Variants in PPP6R1 observed in about 807,000 individuals in gnomAD.
The protein encoded by PPP6R1 is protein phosphatase 6 regulatory subunit 1.
Under a neutral mutation model 104.6 loss-of-function variants are expected in PPP6R1, and 39 were observed. The observed-to-expected ratio is 0.37, with a 90% CI of 0.29 to 0.49. The LOEUF (loss-of-function observed/expected upper bound fraction) is 0.49. PPP6R1 is among the 20% of genes least tolerant of loss of function. The pLI is 0.98. For missense variants in PPP6R1, 1,181 were observed against 1,155.8 expected, an observed-to-expected ratio of 1.02 and a Z score of -0.32; for synonymous variants, 549 against 479.0, an observed-to-expected ratio of 1.15 and a Z score of -1.91.
chr19:55,249,829 C>T (rs530343017), intron 1 of PPP6R1, among the ~76,000 whole-genome samples: 11 of 151,516 alleles, frequency 7.3e-5, no homozygotes, highest in Non-Finnish European at 1.5e-4. Flanking sequence ...GGCAGAGCAA[C>T]ACTCTGTCTC....
intron 15 of PPP6R1, among the ~76,000 whole-genome samples, 166 bp from the exon 16 acceptor site, chr19:55,237,136 C>T (rs371843699): frequency 1.3e-5 from 2 of 152,206 alleles, no homozygotes; most frequent in East Asian, 1.9e-4. Context: ...TAAGGGGCAA[C>T]GCATACATGA....
Position 55,239,430 on chromosome 19 carries a change from ACTC to A in PPP6R1, c.1723_1725del (p.Glu575del). 4 of 1,613,722 alleles carry A rather than the reference ACTC, an allele frequency of 2.5e-6. No homozygotes were observed. The highest frequency in any genetic ancestry group is 2.5e-6 in the Non-Finnish European group (3 of 1,179,792). ...TTCACACTCTCCTCCTGCTCCCCAA[ACTC>A]CTCATCATTGAAGCCGAAGTGGTCA... is the stretch of plus-strand genomic sequence containing the variant. On this transcript the variant is annotated inframe_deletion, in exon 15 of 24. Coordinates refer to ENST00000412770, the MANE Select transcript of PPP6R1 (RefSeq NM_014931.4).
chr19:55,245,461 C>G lies in PPP6R1; in HGVS notation c.414+31G>C. 1 of 1,610,690 alleles carries G rather than the reference C, an allele frequency of 6.2e-7. No homozygotes were observed. On this transcript the variant is annotated intron_variant, in intron 3 of 23. Transcript: ENST00000412770. This position sits in a 1 kb window ranked among gnomAD's most constrained non-coding sequence, Gnocchi z 6.4. ...CTGGCCCAGCCACCACCCCTCAACC[C>G]ACGGTGGCGCCAGGGTGGGGGCCAG...
rs1214460462 is a variant in PPP6R1 at position 55,241,695 on chromosome 19, C to G, written c.846-56G>C. On this transcript the variant is annotated intron_variant, in intron 7 of 23. Coordinates refer to ENST00000412770, the MANE Select transcript of PPP6R1 (RefSeq NM_014931.4). This position sits in a 1 kb window ranked among gnomAD's most constrained non-coding sequence, Gnocchi z 5.4. The stretch of plus-strand genomic sequence containing the variant: ...AGCCTAGATGGCCTGTGCGCCCACA[C>G]AGGAGTAGGCACAAGGACCACGTCT... The G allele has an allele frequency of 6.7e-7, 1 of 1,483,368 alleles. No homozygotes were observed. Among genetic ancestry groups the G allele is most frequent in the East Asian group, 2.5e-5 (1 of 40,448 alleles). 91.9% of individuals were successfully genotyped at this position (1,483,368 alleles called of 1,614,324 possible).
At chr19:55,250,271 G>C (rs1279956321) in intron 1 of PPP6R1, among the ~76,000 whole-genome samples, 6 of 152,334 alleles carry the variant, frequency 3.9e-5, no homozygotes, top group Non-Finnish European at 8.8e-5. Flanking sequence ...TTTTACAGGA[G>C]AGGAAACTGA....
intron 2 of PPP6R1, among the ~76,000 whole-genome samples, 171 bp downstream of exon 2, chr19:55,246,706 G>A (rs1161523185): frequency 6.6e-6 from 1 of 152,178 alleles, no homozygotes; most frequent in Admixed American, 6.5e-5. Context: ...GTCTGCACCC[G>A]GTGAGCTGTG....
chr19:55,242,243 G>T lies in PPP6R1; in HGVS notation c.768C>A (p.Phe256Leu). Residue 256 changes from phenylalanine to leucine, a missense_variant, in exon 7 of 24, where the codon TTC becomes TTA. Physicochemically the swap from Phe to Leu is conservative, Grantham distance 22. This residue lies in a region of PPP6R1 where 1,042 missense variants were observed against 955.6 expected (regional missense o/e 1.09). Coordinates refer to ENST00000412770, the MANE Select transcript of PPP6R1 (RefSeq NM_014931.4). ...TGACAGACTGGCTCTGCTCCCCCTC[G>T]AACATGTTGCTTAAGAGCTGCTCAA... ...ETIEQLLSNM[F>L]EGEQSQSVIV... 1.2e-6 allele frequency: 2 copies of T among 1,613,890 alleles called. No individual in the cohort carries two copies. The highest frequency in any genetic ancestry group is 2.2e-5 in the South Asian group (2 of 91,074).
intron 10 of PPP6R1, among the ~76,000 whole-genome samples, chr19:55,240,681 A>G (rs914889456): frequency 2.0e-5 from 3 of 151,476 alleles, no homozygotes; most frequent in African/African-American, 7.3e-5. Flanking sequence ...ACGTGTGCGC[A>G]CTCATGCACA....
chr19:55,230,418 G>A lies in PPP6R1; in HGVS notation c.*110C>T, dbSNP rs2087329206. 3.4e-6 allele frequency: 5 copies of A among 1,488,846 alleles called. No individual in the cohort carries two copies. The highest frequency in any genetic ancestry group is 1.8e-5 in the Admixed American group (1 of 54,750). The allele number at this position is 1,488,846 out of a possible 1,614,324, so 92.2% of individuals were successfully genotyped here. On this transcript the variant is annotated 3_prime_UTR_variant, in exon 24 of 24. Coordinates refer to ENST00000412770, the MANE Select transcript of PPP6R1 (RefSeq NM_014931.4). ...GGGGGTCCAGAGGAGAGAATGTGGG[G>A]GTGTCAGGGTGATGAGGGCAATGGG...
chr19:55,239,351 G>A (rs754779019), intron 15 of PPP6R1, 54 bp downstream of exon 15: 18 of 1,519,630 alleles, frequency 1.2e-5, no homozygotes, highest in Admixed American at 3.5e-5. Context: ...AAGTAGGCGC[G>A]CCTGCTGCTG....
chr19:55,242,732 A>G, intron 5 of PPP6R1: 1 of 508,112 alleles, frequency 2.0e-6, no homozygotes, highest in Non-Finnish European at 3.6e-6. Context: ...TCATGACCGC[A>G]TACAGGGCTG....
chr19:55,242,488 G>T lies in PPP6R1; in HGVS notation c.619C>A (p.Gln207Lys), dbSNP rs1337614782. The T allele has an allele frequency of 6.2e-7, 1 of 1,612,106 alleles. No homozygotes were observed. Residue 207 changes from glutamine (Q) to lysine (K), a missense_variant and splice_region_variant, in exon 6 of 24, where the codon CAA becomes AAA. Gln to Lys is a moderately conservative substitution (Grantham distance 53, BLOSUM62 1). Transcript: ENST00000412770. ...EQIHPSKDEN[Q>K]HSNASQSLCD... is the part of the protein sequence containing the mutation. The stretch of plus-strand genomic sequence containing the variant: ...AGGGACTGGGATGCGTTGGAATGTT[G>T]CTGGAACGGGGAGAGACAGGTGAGG...
rs532009722 is a variant in PPP6R1, at chr19:55,245,722, G to A, written c.228-44C>T. ...CGGGTGGGGGCTCGGGTCGGAGGCC[G>A]GGGGCAGGGGGCGGCAAGGCTCCAC... On this transcript the variant is annotated intron_variant, in intron 2 of 23. Coordinates refer to ENST00000412770, the MANE Select transcript of PPP6R1 (RefSeq NM_014931.4). The surrounding 1 kb of genome is among the most constrained non-coding windows in gnomAD (Gnocchi z 6.4). 37 of 1,424,352 alleles carry A rather than the reference G, an allele frequency of 2.6e-5. 1 individual carries two copies. Among genetic ancestry groups the A allele is most frequent in the South Asian group, 7.3e-5 (6 of 82,472 alleles). The allele number at this position is 1,424,352 out of a possible 1,614,324, so 88.2% of individuals were successfully genotyped here.
chr19:55,236,475 T>G, intron 17 of PPP6R1, 168 bp downstream of exon 17: 2 of 751,026 alleles, frequency 2.7e-6, no homozygotes, highest in Non-Finnish European at 4.0e-6. Context: ...TGGCCTTGAA[T>G]TAGATTTCTA....
At chr19:55,248,552 T>C (rs2087528961) in intron 1 of PPP6R1, among the ~76,000 whole-genome samples, 1 of 152,202 alleles carries the variant, frequency 6.6e-6, no homozygotes, top group African/African-American at 2.4e-5. Context: ...CTCACCACCA[T>C]CACTCCCAGG....
chr19:55,231,352 T>G, intron 21 of PPP6R1, 58 bp downstream of exon 21: 1 of 1,508,196 alleles, frequency 6.6e-7, no homozygotes, highest in Non-Finnish European at 9.0e-7. Flanking sequence ...AGAGCCCACC[T>G]CAGCGAAGAG....
chr19:55,252,996 C>T (rs1289616593), intron 1 of PPP6R1, among the ~76,000 whole-genome samples: 5 of 152,178 alleles, frequency 3.3e-5, no homozygotes, highest in South Asian at 2.1e-4. Flanking sequence ...GATGAGATGC[C>T]GGCCAGCCTG....
At position 55,245,645 on chromosome 19, in the gene PPP6R1, T is replaced by G. The variant is rs912088621; in HGVS notation, c.261A>C (p.Ser87=). The stretch of plus-strand genomic sequence containing the variant: ...GGGCATCATTGATCTGGGGCACATC[T>G]GAGGTCAGAATCTCGCAGGCCACAC... ...YPSVACEILT[S]DVPQINDALG... Residue 87 remains serine (S), a synonymous_variant, in exon 3 of 24, where the codon TCA becomes TCC. Transcript: ENST00000412770. This position sits in a 1 kb window ranked among gnomAD's most constrained non-coding sequence, Gnocchi z 6.4. The G allele has an allele frequency of 1.2e-6, 2 of 1,608,972 alleles. No individual in the cohort carries two copies. Among genetic ancestry groups the G allele is most frequent in the African/African-American group, 2.7e-5 (2 of 74,480 alleles).
In PPP6R1 at chr19:55,241,395, C is replaced by G. The variant is rs772553651; in HGVS notation, c.1009-4G>C. The G allele has an allele frequency of 7.3e-5, 118 of 1,605,866 alleles. No homozygotes were observed. The highest frequency in any genetic ancestry group is 1.7e-4 in the Middle Eastern group (1 of 6,050). ...ATGTCATCTGTAGCGGCTCCAGCTG[C>G]AGACACAGGGAGGCCTGATTCCCAA... On this transcript the variant is annotated splice_polypyrimidine_tract_variant and splice_region_variant and intron_variant, in intron 8 of 23. Transcript: ENST00000412770. This position sits in a 1 kb window ranked among gnomAD's most constrained non-coding sequence, Gnocchi z 5.4.
Sources: allele counts gnomAD v4.1 joint callset (sites outside exome capture counted in the v4.1 genomes callset), GRCh38; gene constraint gnomAD v4.1.1; regional missense constraint gnomAD v4.1.1; non-coding constraint Gnocchi (gnomAD v3.1); transcripts MANE v1.5; gene names NCBI Gene and HGNC (gene_info 2026-07-23, HGNC 2026-07-21).